The following CALN1 variants were observed in gnomAD, a reference collection of about 807,000 sequenced individuals.
CALN1 encodes calneuron 1.
In CALN1, 17 loss-of-function variants were observed where a neutral mutation model predicts 30.6. That is an observed-to-expected ratio of 0.56 (90% CI 0.38 to 0.83). The LOEUF (loss-of-function observed/expected upper bound fraction) is 0.83. Ranked by LOEUF, CALN1 falls within the 40% of genes least tolerant of loss-of-function variation. The pLI, the probability that CALN1 is intolerant of heterozygous loss-of-function variation, is 0.00. For missense variants in CALN1, 291 were observed against 354.9 expected, an observed-to-expected ratio of 0.82 and a Z score of 1.45; for synonymous variants, 156 against 131.4, an observed-to-expected ratio of 1.19 and a Z score of -1.28.
At chr7:72,148,265 A>T (rs1263061829) in intron 3 of CALN1, among the ~76,000 whole-genome samples, 3 of 61,748 alleles carry the variant, frequency 4.9e-5, no homozygotes, top group African/African-American at 2.1e-4. Context: ...GTGGTTGTTT[A>T]AAAAAAAAAA....
At chr7:72,435,863 A>G (rs367822467) in intron 1 of CALN1, among the ~76,000 whole-genome samples, 39 of 152,354 alleles carry the variant, frequency 2.6e-4, no homozygotes, top group African/African-American at 9.4e-4. Context: ...CCAGAGACAC[A>G]GAATTCACTT....
chr7:72,174,679 A>G (rs1471445547), intron 3 of CALN1, among the ~76,000 whole-genome samples: 1 of 152,220 alleles, frequency 6.6e-6, no homozygotes, highest in African/African-American at 2.4e-5. Flanking sequence ...TCACATTTCT[A>G]TAAAATTTCA....
intron 3 of CALN1, among the ~76,000 whole-genome samples, chr7:72,149,204 A>G (rs1000319494): frequency 2.6e-5 from 4 of 151,810 alleles, no homozygotes; most frequent in Non-Finnish European, 4.4e-5. Context: ...AGCGGCTCGC[A>G]TCTGTAATCC....
chr7:72,236,739 T>C (rs1794494777), intron 3 of CALN1, among the ~76,000 whole-genome samples: 1 of 152,202 alleles, frequency 6.6e-6, no homozygotes, highest in Non-Finnish European at 1.5e-5. Flanking sequence ...GAAATAAATG[T>C]GTCATTGATT....
intron 5 of CALN1, among the ~76,000 whole-genome samples, chr7:72,020,754 C>G (rs1262904744): frequency 6.6e-6 from 1 of 152,198 alleles, no homozygotes; most frequent in Non-Finnish European, 1.5e-5. Flanking sequence ...TATAGCATGT[C>G]TGAATTAAGC....
At chr7:72,169,434 C>G (rs1442982066) in intron 3 of CALN1, among the ~76,000 whole-genome samples, 1 of 151,764 alleles carries the variant, frequency 6.6e-6, no homozygotes, top group Non-Finnish European at 1.5e-5. Context: ...ATTCTCCTGT[C>G]TCAGCTTCCC....
At chr7:72,234,621 A>G (rs973930848) in intron 3 of CALN1, among the ~76,000 whole-genome samples, 1 of 151,840 alleles carries the variant, frequency 6.6e-6, no homozygotes, top group African/African-American at 2.4e-5. Flanking sequence ...TAATTTTTGT[A>G]TTTTAGTAGA....
At chr7:72,441,674 T>C (rs1481208222) in intron 1 of CALN1, among the ~76,000 whole-genome samples, 2 of 150,214 alleles carry the variant, frequency 1.3e-5, no homozygotes, top group Admixed American at 6.6e-5. Flanking sequence ...GGACGTAGAA[T>C]GTACAAACAG....
chr7:72,072,783 A>C (rs1353606503), intron 4 of CALN1, among the ~76,000 whole-genome samples: 1 of 152,252 alleles, frequency 6.6e-6, no homozygotes, highest in Non-Finnish European at 1.5e-5. Context: ...ATGAAGTTAT[A>C]AAGCAGCATT....
chr7:72,406,388 G>A (rs1399590958), intron 1 of CALN1, among the ~76,000 whole-genome samples: 1 of 152,160 alleles, frequency 6.6e-6, no homozygotes, highest in African/African-American at 2.4e-5. Flanking sequence ...GACCCAAGGT[G>A]CATTTCCCAA....
chr7:72,052,364 G>C (rs577502793), intron 4 of CALN1, among the ~76,000 whole-genome samples: 2 of 152,152 alleles, frequency 1.3e-5, no homozygotes, highest in African/African-American at 2.4e-5. Flanking sequence ...GGAAGGTAGA[G>C]AGAAGATACG....
chr7:71,987,909 G>A (rs1798758464), intron 5 of CALN1, among the ~76,000 whole-genome samples: 1 of 152,172 alleles, frequency 6.6e-6, no homozygotes, highest in South Asian at 2.1e-4. Context: ...GACAGATGGG[G>A]AAGGGAATGA....
At chr7:71,857,906 A>T (rs1002833393) in intron 5 of CALN1, among the ~76,000 whole-genome samples, 3 of 152,176 alleles carry the variant, frequency 2.0e-5, no homozygotes, top group African/African-American at 7.2e-5. Context: ...AATGCTGCAT[A>T]TTCTATATTT....
intron 5 of CALN1, among the ~76,000 whole-genome samples, chr7:71,979,370 G>A (rs541191357): frequency 3.9e-5 from 6 of 152,294 alleles, no homozygotes; most frequent in Admixed American, 2.0e-4. Context: ...TTGTTTCCCT[G>A]TAACTAGACA....
chr7:72,085,173 T>C lies in CALN1; in HGVS notation c.388+20978A>G, dbSNP rs563417119. Among the ~76,000 whole-genome samples the C allele has an allele frequency of 2.0e-5, 3 of 152,244 alleles. No homozygotes were observed. The Middle Eastern group carries it at 0.01, about 518-fold the overall frequency. ...CCTCCATCTCATCACAAAGGCACTT[T>C]ATCATCTGACATTATCACAAGAAGA... is the stretch of plus-strand genomic sequence containing the variant. On this transcript the variant is annotated intron_variant, in intron 4 of 6. Transcript: ENST00000395275.
chr7:72,201,724 C>A (rs1228627746), intron 3 of CALN1, among the ~76,000 whole-genome samples: 3 of 148,900 alleles, frequency 2.0e-5, no homozygotes, highest in African/African-American at 7.5e-5. Context: ...CCATGTACAA[C>A]CTTGAATCTG....
chr7:72,443,061 G>T (rs1211836547), intron 1 of CALN1, among the ~76,000 whole-genome samples: 1 of 152,208 alleles, frequency 6.6e-6, no homozygotes, highest in African/African-American at 2.4e-5. Context: ...GTTAAGAATT[G>T]CACTTAGGAT....
chr7:71,857,597 C>T (rs1306691128), intron 5 of CALN1, among the ~76,000 whole-genome samples: 1 of 152,162 alleles, frequency 6.6e-6, no homozygotes, highest in African/African-American at 2.4e-5. Flanking sequence ...TCCCTCTCCT[C>T]CCCCTGTTCT....
intron 2 of CALN1, among the ~76,000 whole-genome samples, chr7:72,299,876 T>C (rs1799135890): frequency 6.6e-6 from 1 of 151,604 alleles, no homozygotes; most frequent in Admixed American, 6.6e-5. Context: ...TTTGTTTCAA[T>C]TTTTGTTTTG....
Sources: allele counts gnomAD v4.1 joint callset (sites outside exome capture counted in the v4.1 genomes callset), GRCh38; gene constraint gnomAD v4.1.1; transcripts MANE v1.5; gene names NCBI Gene and HGNC (gene_info 2026-07-23, HGNC 2026-07-21).